VAMP5: variants seen among roughly 807,000 people sequenced by gnomAD.
VAMP5 encodes vesicle associated membrane protein 5.
A neutral mutation model predicts 8.1 loss-of-function variants in VAMP5; 10 were observed. That is an observed-to-expected ratio of 1.23 (90% CI 0.76 to 2.09). The LOEUF (loss-of-function observed/expected upper bound fraction) is 2.09. VAMP5 is among the 30% of genes most tolerant of loss of function. The pLI, the probability that VAMP5 is intolerant of heterozygous loss-of-function variation, is 0.00. For missense variants in VAMP5, 135 were observed against 152.5 expected (o/e 0.89, Z 0.60); for synonymous variants, 62 against 60.6 (o/e 1.02, Z -0.11).
At chr2:85,590,376 G>A (rs981508949) in intron 1 of VAMP5, among the ~76,000 whole-genome samples, 8 of 152,180 alleles carry the variant, frequency 5.3e-5, no homozygotes, top group African/African-American at 1.2e-4. Context: ...CTGGCCTCCC[G>A]GTGGGATGGT....
At chr2:85,589,190 GAC>G (rs1312780477) in intron 1 of VAMP5, among the ~76,000 whole-genome samples, 2 of 152,222 alleles carry the variant, frequency 1.3e-5, no homozygotes. Context: ...TATGCTGAGT[GAC>G]AGTGTGGCGT....
intron 1 of VAMP5, among the ~76,000 whole-genome samples, chr2:85,591,202 GA>G (rs369023822): frequency 4.6e-5 from 7 of 152,366 alleles, no homozygotes; most frequent in African/African-American, 1.7e-4. Flanking sequence ...TCAGTTTGGG[GA>G]TAGAGGGGTT....
intron 1 of VAMP5, among the ~76,000 whole-genome samples, chr2:85,587,592 A>G (rs1285047661): frequency 1.3e-5 from 2 of 152,176 alleles, no homozygotes; most frequent in Non-Finnish European, 2.9e-5. Context: ...AAAAAAAAAA[A>G]AAGGAGCTAG....
chr2:85,592,548 A>T (rs950588877), intron 2 of VAMP5, among the ~76,000 whole-genome samples: 2 of 151,944 alleles, frequency 1.3e-5, no homozygotes, highest in Admixed American at 1.3e-4. Flanking sequence ...CACGCCTGTA[A>T]TCCCAACACT....
chr2:85,589,453 T>G (rs1038184972), intron 1 of VAMP5, among the ~76,000 whole-genome samples: 9 of 152,172 alleles, frequency 5.9e-5, no homozygotes, highest in Non-Finnish European at 1.3e-4. Context: ...TGGTCCAGAT[T>G]ACAGCTGGAA....
intron 1 of VAMP5, among the ~76,000 whole-genome samples, chr2:85,588,423 G>A (rs995029617): frequency 3.3e-5 from 5 of 151,978 alleles, no homozygotes; most frequent in South Asian, 2.1e-4. Flanking sequence ...CTCCCCTCTC[G>A]CCCTGGCTCA....
Position 85,591,725 on chromosome 2 carries a change from G to A in VAMP5, c.4G>A (p.Ala2Thr). The A allele has an allele frequency of 6.2e-7, 1 of 1,614,142 alleles. No individual in the cohort carries two copies. The highest frequency in any genetic ancestry group is 8.5e-7 in the Non-Finnish European group (1 of 1,180,006). Residue 2 changes from alanine (A) to threonine (T), a missense_variant and splice_region_variant, in exon 2 of 3, where the codon GCA becomes ACA. Transcript: ENST00000306384. MAGIELERCQQQ... is the reference protein window; with the variant it reads MTGIELERCQQQ... ...CCCTGACCTCGGGCTTGGTGTCCAG[G>A]CAGGAATAGAGTTGGAGCGGTGCCA... is the stretch of plus-strand genomic sequence containing the variant.
chr2:85,588,668 C>T (rs1390046182), intron 1 of VAMP5, among the ~76,000 whole-genome samples: 1 of 152,162 alleles, frequency 6.6e-6, no homozygotes, highest in Non-Finnish European at 1.5e-5. Flanking sequence ...TTCACTGTCA[C>T]CCGTGGCTCA....
At position 85,593,113 on chromosome 2, in the gene VAMP5, CCA is replaced by C. The variant is rs758607320; in HGVS notation, c.309_310del (p.Arg104AspfsTer90). 1 of 1,614,220 alleles carries C rather than the reference CCA, an allele frequency of 6.2e-7. No homozygotes were observed. Among genetic ancestry groups the C allele is most frequent in the Non-Finnish European group, 8.5e-7 (1 of 1,180,046 alleles). On this transcript the variant is annotated frameshift_variant, in exon 3 of 3. Coordinates refer to ENST00000306384, the MANE Select transcript of VAMP5 (RefSeq NM_006634.3). LOFTEE classifies it high-confidence loss of function. Reference sequence around the variant, plus strand: ...TCAGAGCAGTGACAGCAGTAGTGCCCCACGGACCCAGGATGCAGGCATTGCCT... The same window carrying C: ...TCAGAGCAGTGACAGCAGTAGTGCCCCGGACCCAGGATGCAGGCATTGCCT... ...LPQSSDSSSA[P>X]RTQDAGIASG...
chr2:85,592,924 CT>C (rs1558825719), intron 2 of VAMP5, 23 bp from the exon 3 acceptor site: 12 of 1,612,650 alleles, frequency 7.4e-6, no homozygotes, highest in Non-Finnish European at 1.0e-5. Context: ...CTAACTCCCA[CT>C]TTGTGTCTGG....
chr2:85,591,797 A>G lies in VAMP5; in HGVS notation c.76A>G (p.Lys26Glu), dbSNP rs112100611. Reference sequence around the variant, plus strand: ...GGAAATTATGCGTAACAACTTCGGCAAGGTCCTGGAGCGTGGTGTGAAGCT... The same window carrying G: ...GGAAATTATGCGTAACAACTTCGGCGAGGTCCTGGAGCGTGGTGTGAAGCT... ...VTEIMRNNFG[K>E]VLERGVKLAE... is the part of the protein sequence containing the mutation. The change falls in exon 2 of 3, where the codon AAG (lysine) becomes GAG (glutamate). Residue 26 changes from lysine to glutamate, a missense_variant. Lys to Glu is a moderately conservative substitution (Grantham distance 56, BLOSUM62 1). Transcript: ENST00000306384. 6.2e-7 allele frequency: 1 copy of G among 1,614,160 alleles called. No homozygotes were observed. Among genetic ancestry groups the G allele is most frequent in the Non-Finnish European group, 8.5e-7 (1 of 1,180,020 alleles).
In VAMP5 at chr2:85,591,872, C is replaced by T; in HGVS notation, c.141+10C>T. 6.2e-6 allele frequency: 10 copies of T among 1,613,990 alleles called. No homozygotes were observed. The highest frequency in any genetic ancestry group is 8.5e-6 in the Non-Finnish European group (10 of 1,179,962). On this transcript the variant is annotated intron_variant, in intron 2 of 2. Transcript: ENST00000306384. ...CCAACTCCTGGATATGGTGTGAGGC[C>T]TGGGGGAGCATGGAGGGGAGGGGAG...
At chr2:85,585,407 GCCTGGCT>G (rs1337097654) in intron 1 of VAMP5, among the ~76,000 whole-genome samples, 29 of 152,368 alleles carry the variant, frequency 1.9e-4, no homozygotes, top group African/African-American at 6.0e-4. Context: ...GATGGATGTG[GCCTGGCT>G]AGGGGTCAAT....
chr2:85,585,203 C>T (rs1035703662), intron 1 of VAMP5, among the ~76,000 whole-genome samples: 1 of 152,248 alleles, frequency 6.6e-6, no homozygotes, highest in East Asian at 1.9e-4. Flanking sequence ...CCTAGTGACA[C>T]ATTCCTGAGT....
At chr2:85,586,931 T>G (rs1463699841) in intron 1 of VAMP5, among the ~76,000 whole-genome samples, 1 of 151,342 alleles carries the variant, frequency 6.6e-6, no homozygotes, top group Admixed American at 6.6e-5. Flanking sequence ...AAAAATTAGC[T>G]GGGCGTGGTG....
intron 1 of VAMP5, among the ~76,000 whole-genome samples, chr2:85,589,673 G>C (rs1672512132): frequency 6.6e-6 from 1 of 151,940 alleles, no homozygotes; most frequent in African/African-American, 2.4e-5. Context: ...TGTTTTGTTT[G>C]CTGAGATGGA....
chr2:85,590,255 C>G (rs947637411), intron 1 of VAMP5, among the ~76,000 whole-genome samples: 8 of 152,120 alleles, frequency 5.3e-5, no homozygotes, highest in Non-Finnish European at 4.4e-5. Context: ...TCATGCAGGG[C>G]TAGAAAAACA....
chr2:85,591,592 C>A lies in VAMP5; in HGVS notation c.4-133C>A, dbSNP rs1672537974. 2.1e-5 allele frequency: 28 copies of A among 1,359,838 alleles called. No homozygotes were observed. The South Asian group carries it at 3.4e-4, about 17-fold the overall frequency. The allele number at this position is 1,359,838 out of a possible 1,614,324, so 84.2% of individuals were successfully genotyped here. On this transcript the variant is annotated intron_variant, in intron 1 of 2. Coordinates refer to ENST00000306384, the MANE Select transcript of VAMP5 (RefSeq NM_006634.3). ...AGACCTTCACTCCGCACACATCATACCCTTACACGAAGGATGCTGTTACTC... is the reference window on the plus strand; with the variant it reads ...AGACCTTCACTCCGCACACATCATAACCTTACACGAAGGATGCTGTTACTC...
At chr2:85,591,169 C>T (rs1672533126) in intron 1 of VAMP5, among the ~76,000 whole-genome samples, 1 of 152,288 alleles carries the variant, frequency 6.6e-6, no homozygotes, top group East Asian at 1.9e-4. Context: ...AGTCAGAGGC[C>T]CAAAGAGGAA....
Sources: allele counts gnomAD v4.1 joint callset (sites outside exome capture counted in the v4.1 genomes callset), GRCh38; gene constraint gnomAD v4.1.1; transcripts MANE v1.5; gene names NCBI Gene and HGNC (gene_info 2026-07-23, HGNC 2026-07-21).